The following CAMKMT variants were observed in gnomAD, a reference collection of about 807,000 sequenced individuals.
CAMKMT encodes the protein calmodulin-lysine N-methyltransferase.
A neutral mutation model predicts 48.0 loss-of-function variants in CAMKMT; 53 were observed. The observed-to-expected ratio is 1.10, with a 90% confidence interval of 0.89 to 1.39. CAMKMT has a LOEUF of 1.39. Among genes scored for constraint, CAMKMT ranks in the 40% most tolerant of loss-of-function variants. The pLI, the probability that CAMKMT is intolerant of heterozygous loss-of-function variation, is 0.00. For missense variants in CAMKMT, 428 were observed against 402.7 expected (o/e 1.06, Z -0.54); for synonymous variants, 165 against 152.3 (o/e 1.08, Z -0.61).
intron 4 of CAMKMT, 119 bp from the exon 5 acceptor site, chr2:44,706,168 C>T: frequency 1.1e-6 from 1 of 923,958 alleles, no homozygotes; most frequent in Non-Finnish European, 1.7e-6. Context: ...CATGTCTCTA[C>T]AACTTCCTGG....
intron 3 of CAMKMT, chr2:44,456,740 C>A: frequency 1.3e-6 from 1 of 793,850 alleles, no homozygotes; most frequent in Non-Finnish European, 1.9e-6. Flanking sequence ...CAGAAATCCT[C>A]ATGCTAAATG....
intron 3 of CAMKMT, among the ~76,000 whole-genome samples, chr2:44,644,124 C>G (rs986977745): frequency 6.6e-6 from 1 of 152,182 alleles, no homozygotes; most frequent in Non-Finnish European, 1.5e-5. Flanking sequence ...TCACAGAAAT[C>G]AAATTGTACA....
chr2:44,685,561 T>A (rs1256364965), intron 3 of CAMKMT, among the ~76,000 whole-genome samples: 4 of 152,160 alleles, frequency 2.6e-5, no homozygotes, highest in Non-Finnish European at 1.5e-5. Context: ...TGCAGGATTC[T>A]AGAAGCATTA....
At position 44,602,544 on chromosome 2, in the gene CAMKMT, G is replaced by T. The variant is rs1018668071; in HGVS notation, c.377-101739G>T. ...CACACTGCTCTAAAGAACTACCTGAGACTGGGTAATTTATGAAGAAAAGAG... is the reference window on the plus strand; with the variant it reads ...CACACTGCTCTAAAGAACTACCTGATACTGGGTAATTTATGAAGAAAAGAG... On this transcript the variant is annotated intron_variant, in intron 3 of 10. Transcript: ENST00000378494. Among the ~76,000 whole-genome samples the T allele has an allele frequency of 1.0e-3, 153 of 152,144 alleles. 3 individuals carry two copies. The highest frequency in any genetic ancestry group is 3.5e-3 in the African/African-American group (144 of 41,426).
chr2:44,540,526 G>A (rs1055622178), intron 3 of CAMKMT, among the ~76,000 whole-genome samples: 2 of 152,066 alleles, frequency 1.3e-5, no homozygotes, highest in Non-Finnish European at 2.9e-5. Context: ...CGAGGTGTGC[G>A]GATCCCTTGA....
Position 44,422,998 on chromosome 2 carries a change from T to A in CAMKMT, c.376+32693T>A, listed in dbSNP as rs919275101. Among the ~76,000 whole-genome samples the A allele has an allele frequency of 1.4e-4, 21 of 152,178 alleles. 1 individual carries two copies. The highest frequency in any genetic ancestry group is 1.3e-3 in the Admixed American group (20 of 15,274). On this transcript the variant is annotated intron_variant, in intron 3 of 10. Coordinates refer to ENST00000378494, the MANE Select transcript of CAMKMT (RefSeq NM_024766.5). ...CACCTTCAGTCTCAGATTTTCTTTCTCATCTTCACTCTGTATCTTCCACCT... is the reference window on the plus strand; with the variant it reads ...CACCTTCAGTCTCAGATTTTCTTTCACATCTTCACTCTGTATCTTCCACCT...
chr2:44,603,093 T>G (rs896548685), intron 3 of CAMKMT, among the ~76,000 whole-genome samples: 1 of 152,004 alleles, frequency 6.6e-6, no homozygotes, highest in Non-Finnish European at 1.5e-5. Context: ...TGTTTATATA[T>G]ATCTTTGTTT....
At chr2:44,734,182 A>G (rs1469225656) in intron 7 of CAMKMT, among the ~76,000 whole-genome samples, 2 of 151,910 alleles carry the variant, frequency 1.3e-5, no homozygotes, top group African/African-American at 4.8e-5. Flanking sequence ...CTTTCCTAAT[A>G]ATAGCCATTT....
At chr2:44,739,429 A>G (rs1224208526) in intron 7 of CAMKMT, among the ~76,000 whole-genome samples, 1 of 152,222 alleles carries the variant, frequency 6.6e-6, no homozygotes, top group East Asian at 1.9e-4. Flanking sequence ...AACTGGAAAG[A>G]TGGAATTACC....
chr2:44,632,355 C>T (rs1324090998), intron 3 of CAMKMT, among the ~76,000 whole-genome samples: 1 of 152,056 alleles, frequency 6.6e-6, no homozygotes, highest in African/African-American at 2.4e-5. Flanking sequence ...ATTTTTTAAA[C>T]ACTTTTCTCT....
intron 3 of CAMKMT, among the ~76,000 whole-genome samples, chr2:44,493,992 CAAAT>C (rs1412272289): frequency 6.6e-6 from 1 of 152,186 alleles, no homozygotes; most frequent in Non-Finnish European, 1.5e-5. Flanking sequence ...ATTTTTAACA[CAAAT>C]AACACCTTTT....
At chr2:44,686,615 A>G (rs1177716557) in intron 3 of CAMKMT, among the ~76,000 whole-genome samples, 1 of 152,222 alleles carries the variant, frequency 6.6e-6, no homozygotes, top group African/African-American at 2.4e-5. Flanking sequence ...AAAAAATGCA[A>G]CCATGTATAT....
At chr2:44,590,921 A>G (rs867461284) in intron 3 of CAMKMT, among the ~76,000 whole-genome samples, 1 of 151,532 alleles carries the variant, frequency 6.6e-6, no homozygotes. Flanking sequence ...ATCTTGAATT[A>G]ATTTTTGTAT....
intron 3 of CAMKMT, among the ~76,000 whole-genome samples, chr2:44,397,008 G>A (rs1399555981): frequency 2.7e-5 from 4 of 148,994 alleles, no homozygotes; most frequent in Non-Finnish European, 5.9e-5. Context: ...GCAGTGAGCC[G>A]AGATTGCACC....
chr2:44,710,107 T>A (rs561144309), intron 6 of CAMKMT, among the ~76,000 whole-genome samples: 3,071 of 148,044 alleles, frequency 0.021, 87 homozygotes, highest in African/African-American at 0.07. Flanking sequence ...TACCTTTTTT[T>A]AAAAAAAAAA....
At chr2:44,446,486 C>G (rs772796634) in intron 3 of CAMKMT, among the ~76,000 whole-genome samples, 1 of 152,030 alleles carries the variant, frequency 6.6e-6, no homozygotes, top group Non-Finnish European at 1.5e-5. Flanking sequence ...GCTTGGATTA[C>G]AGGTGTGTGC....
chr2:44,383,009 AG>A (rs1488906303), intron 2 of CAMKMT, among the ~76,000 whole-genome samples: 1 of 152,102 alleles, frequency 6.6e-6, no homozygotes, highest in East Asian at 1.9e-4. Flanking sequence ...AGGTGTTGGC[AG>A]GTTTGGTTTC....
At chr2:44,380,869 A>G (rs1385965013) in intron 2 of CAMKMT, among the ~76,000 whole-genome samples, 2 of 152,118 alleles carry the variant, frequency 1.3e-5, no homozygotes, top group African/African-American at 4.8e-5. Flanking sequence ...TCTTTAAGAA[A>G]TAATGCTTTC....
chr2:44,437,891 A>G (rs1187700339), intron 3 of CAMKMT, among the ~76,000 whole-genome samples: 1 of 151,200 alleles, frequency 6.6e-6, no homozygotes, highest in East Asian at 1.9e-4. Context: ...GAGAACTACT[A>G]CCTTCTCTGA....
Sources: allele counts gnomAD v4.1 joint callset (sites outside exome capture counted in the v4.1 genomes callset), GRCh38; gene constraint gnomAD v4.1.1; transcripts MANE v1.5; gene names NCBI Gene and HGNC (gene_info 2026-07-23, HGNC 2026-07-21).